PIK3CG: variants seen among roughly 807,000 people sequenced by gnomAD.
PIK3CG encodes phosphatidylinositol 4,5-bisphosphate 3-kinase catalytic subunit gamma isoform.
PIK3CG carries 55 observed loss-of-function variants against 102.3 expected under a neutral mutation model. The ratio of observed to expected loss-of-function variants is 0.54; its 90% CI spans 0.43 to 0.67. The LOEUF (loss-of-function observed/expected upper bound fraction) is 0.67, where lower values mean the gene tolerates loss of function less well. PIK3CG is among the 30% of genes least tolerant of loss of function. The pLI is 0.00. For missense variants in PIK3CG, 1,258 were observed against 1,391.8 expected (o/e 0.90, Z 1.53); for synonymous variants, 552 against 540.0 (o/e 1.02, Z -0.31).
chr7:106,873,999 A>G (rs532325247), intron 4 of PIK3CG, among the ~76,000 whole-genome samples: 66 of 152,282 alleles, frequency 4.3e-4, no homozygotes, highest in African/African-American at 1.6e-3. Context: ...ATGGCTCATT[A>G]CATAGACACT....
rs964930823 is a variant in PIK3CG, at chr7:106,908,344, C to T, written c.*2957C>T. On this transcript the variant is annotated 3_prime_UTR_variant, in exon 11 of 11. Coordinates refer to ENST00000496166, the MANE Select transcript of PIK3CG (RefSeq NM_001282426.2). The surrounding 1 kb of genome is among the most constrained non-coding windows in gnomAD (Gnocchi z 4.1). ...TCAGTTTAGCACACGCGGTCTACCA[C>T]GTCTGCATGAGTGGTAAATGTAGTG... is the stretch of plus-strand genomic sequence containing the variant. 3.3e-5 allele frequency among the ~76,000 whole-genome samples: 5 copies of T among 152,188 alleles called. No homozygotes were observed. The highest frequency in any genetic ancestry group is 1.2e-4 in the African/African-American group (5 of 41,428).
In PIK3CG at chr7:106,868,381, G is replaced by A. The variant is rs1462539802; in HGVS notation, c.820G>A (p.Val274Ile). The A allele has an allele frequency of 6.2e-7, 1 of 1,614,126 alleles. No homozygotes were observed. The highest frequency in any genetic ancestry group is 8.5e-7 in the Non-Finnish European group (1 of 1,180,054). The change falls in exon 2 of 11, where the codon GTC (valine) becomes ATC (isoleucine). Residue 274 changes from valine to isoleucine, a missense_variant. Val to Ile is a conservative substitution (Grantham distance 29). Around this residue, in one of 2 missense-constraint regions of PIK3CG, gnomAD observed 832 missense variants for 787.5 expected, o/e 1.06. Coordinates refer to ENST00000496166, the MANE Select transcript of PIK3CG (RefSeq NM_001282426.2). The surrounding 1 kb of genome is among the most constrained non-coding windows in gnomAD (Gnocchi z 6.2). The part of the protein sequence containing the change: ...SQSEQDFVLR[V>I]CGRDEYLVGE... ...AAGCGAACAGGATTTTGTGCTGCGCGTCTGTGGCCGGGATGAGTACCTGGT... is the reference window on the plus strand; with the variant it reads ...AAGCGAACAGGATTTTGTGCTGCGCATCTGTGGCCGGGATGAGTACCTGGT...
In PIK3CG at chr7:106,867,897, G is replaced by T. The variant is rs1562953435; in HGVS notation, c.336G>T (p.Lys112Asn). 1 of 1,613,262 alleles carries T rather than the reference G, an allele frequency of 6.2e-7. No homozygotes were observed. The highest frequency in any genetic ancestry group is 8.5e-7 in the Non-Finnish European group (1 of 1,179,996). ...GGCAGTGGTACGAGATCTACGACAAGTACCAGGTGGTGCAGACTCTGGACT... is the reference window on the plus strand; with the variant it reads ...GGCAGTGGTACGAGATCTACGACAATTACCAGGTGGTGCAGACTCTGGACT... ...KKGQWYEIYD[K>N]YQVVQTLDCL... Residue 112 changes from lysine to asparagine, a missense_variant, in exon 2 of 11, where the codon AAG becomes AAT. By Grantham distance (94) the Lys-to-Asn change is moderately conservative. Transcript: ENST00000496166. This position sits in a 1 kb window ranked among gnomAD's most constrained non-coding sequence, Gnocchi z 5.1.
Position 106,879,755 on chromosome 7 carries a change from C to G in PIK3CG, c.2538+90C>G, listed in dbSNP as rs41276172. On this transcript the variant is annotated intron_variant, in intron 6 of 10. Coordinates refer to ENST00000496166, the MANE Select transcript of PIK3CG (RefSeq NM_001282426.2). This position sits in a 1 kb window ranked among gnomAD's most constrained non-coding sequence, Gnocchi z 4.9. ...CTTTCTCCTACTGGCTCTATTCCCA[C>G]TCTCTTCTTTCAAGTGATGAATTGT... The G allele has an allele frequency of 0.031, 29,167 of 935,038 alleles. 639 individuals carry two copies. The highest frequency in any genetic ancestry group is 0.055 in the Middle Eastern group (239 of 4,356). The allele number at this position is 935,038 out of a possible 1,614,324, so 57.9% of individuals were successfully genotyped here.
intron 5 of PIK3CG, among the ~76,000 whole-genome samples, chr7:106,876,229 T>C (rs1200177240): frequency 6.6e-6 from 1 of 152,092 alleles, no homozygotes; most frequent in Non-Finnish European, 1.5e-5. Context: ...TCAGTCTTTT[T>C]AAACTTAGCC....
Position 106,890,296 on chromosome 7 carries a change from C to T in PIK3CG, c.3030+4004C>T, listed in dbSNP as rs2116579216. 6.6e-6 allele frequency among the ~76,000 whole-genome samples: 1 copy of T among 152,286 alleles called. No homozygotes were observed. The highest frequency in any genetic ancestry group is 2.1e-4 in the South Asian group (1 of 4,820). ...TCCTGGGTTCACACCACTCTCCTGC[C>T]TCAGCCTTCCAAGTAGCTGGGACTA... is the stretch of plus-strand genomic sequence containing the variant. On this transcript the variant is annotated intron_variant, in intron 10 of 10. Coordinates refer to ENST00000496166, the MANE Select transcript of PIK3CG (RefSeq NM_001282426.2). This position sits in a 1 kb window ranked among gnomAD's most constrained non-coding sequence, Gnocchi z 4.2.
chr7:106,884,465 C>CT lies in PIK3CG; in HGVS notation c.2872+200dup, dbSNP rs1791027648. ...GCTGAAACTCTGTACCCATTAAACA[C>CT]TAACTCCCCATGCCTCCCTCCTTTC... On this transcript the variant is annotated intron_variant, in intron 9 of 10. Coordinates refer to ENST00000496166, the MANE Select transcript of PIK3CG (RefSeq NM_001282426.2). The surrounding 1 kb of genome is among the most constrained non-coding windows in gnomAD (Gnocchi z 4.2). 6.6e-6 allele frequency among the ~76,000 whole-genome samples: 1 copy of CT among 152,190 alleles called. No individual in the cohort carries two copies. Among genetic ancestry groups the CT allele is most frequent in the Non-Finnish European group, 1.5e-5 (1 of 68,040 alleles).
At position 106,868,160 on chromosome 7, in the gene PIK3CG, C is replaced by G. The variant is rs2116432321; in HGVS notation, c.599C>G (p.Pro200Arg). 1 of 1,612,992 alleles carries G rather than the reference C, an allele frequency of 6.2e-7. No homozygotes were observed. Among genetic ancestry groups the G allele is most frequent in the Non-Finnish European group, 8.5e-7 (1 of 1,180,010 alleles). The change falls in exon 2 of 11, where the codon CCG (proline) becomes CGG (arginine). Residue 200 changes from proline (P) to arginine (R), a missense_variant. Physicochemically the swap from Pro to Arg is moderately radical, Grantham distance 103. Transcript: ENST00000496166. This position sits in a 1 kb window ranked among gnomAD's most constrained non-coding sequence, Gnocchi z 6.2. ...GACCCCAAGCTCTACGCCATGCACCCGTGGGTGACGTCCAAGCCCCTCCCG... is the reference window on the plus strand; with the variant it reads ...GACCCCAAGCTCTACGCCATGCACCGGTGGGTGACGTCCAAGCCCCTCCCG... Reference protein sequence around the residue: ...SRDPKLYAMHPWVTSKPLPEY... With the variant: ...SRDPKLYAMHRWVTSKPLPEY...
At position 106,908,332 on chromosome 7, in the gene PIK3CG, C is replaced by T. The variant is rs924491058; in HGVS notation, c.*2945C>T. 2.0e-5 allele frequency among the ~76,000 whole-genome samples: 3 copies of T among 152,184 alleles called. No individual in the cohort carries two copies. Among genetic ancestry groups the T allele is most frequent in the Admixed American group, 6.5e-5 (1 of 15,276 alleles). On this transcript the variant is annotated 3_prime_UTR_variant, in exon 11 of 11. Coordinates refer to ENST00000496166, the MANE Select transcript of PIK3CG (RefSeq NM_001282426.2). This position sits in a 1 kb window ranked among gnomAD's most constrained non-coding sequence, Gnocchi z 4.1. The stretch of plus-strand genomic sequence containing the variant: ...TGGCTTTGGTGTTCAGTTTAGCACA[C>T]GCGGTCTACCACGTCTGCATGAGTG...
In PIK3CG at chr7:106,905,225, A is replaced by G. The variant is rs151166020; in HGVS notation, c.3147A>G (p.Glu1049=). Residue 1049 remains glutamate (E), a synonymous_variant, in exon 11 of 11, where the codon GAA becomes GAG. Transcript: ENST00000496166. The surrounding 1 kb of genome is among the most constrained non-coding windows in gnomAD (Gnocchi z 5.6). ...AGTTAACAAGCAAAGAAGACATTGA[A>G]TATATCCGGGATGCCCTCACAGTGG... ...MPQLTSKEDI[E]YIRDALTVGK... is the part of the protein sequence containing the mutation. The G allele has an allele frequency of 6.2e-7, 1 of 1,614,160 alleles. No individual in the cohort carries two copies. Among genetic ancestry groups the G allele is most frequent in the Non-Finnish European group, 8.5e-7 (1 of 1,180,008 alleles).
intron 10 of PIK3CG, among the ~76,000 whole-genome samples, chr7:106,888,625 C>T (rs1456815419): frequency 6.6e-6 from 1 of 152,210 alleles, no homozygotes; most frequent in Non-Finnish European, 1.5e-5. Context: ...AACGTTTAGG[C>T]AGTGTGCTCC....
Position 106,867,930 on chromosome 7 carries a change from C to A in PIK3CG, c.369C>A (p.Arg123=), listed in dbSNP as rs898922713. The part of the protein sequence containing the change: ...YQVVQTLDCL[R]YWKATHRSPG... Reference sequence around the variant, plus strand: ...TGGTGCAGACTCTGGACTGCCTGCGCTACTGGAAGGCCACGCACCGGAGCC... The same window carrying A: ...TGGTGCAGACTCTGGACTGCCTGCGATACTGGAAGGCCACGCACCGGAGCC... Residue 123 remains arginine, a synonymous_variant, in exon 2 of 11, where the codon CGC becomes CGA. Transcript: ENST00000496166. The surrounding 1 kb of genome is among the most constrained non-coding windows in gnomAD (Gnocchi z 5.1). 1.2e-6 allele frequency: 2 copies of A among 1,613,308 alleles called. No individual in the cohort carries two copies. The highest frequency in any genetic ancestry group is 2.7e-5 in the African/African-American group (2 of 75,066).
intron 5 of PIK3CG, among the ~76,000 whole-genome samples, chr7:106,878,672 T>C (rs954387741): frequency 1.3e-5 from 2 of 152,170 alleles, no homozygotes; most frequent in Non-Finnish European, 2.9e-5. Context: ...TTTCTAGTTG[T>C]TTATGGCAGG....
chr7:106,885,079 C>A (rs1009255506), intron 9 of PIK3CG, among the ~76,000 whole-genome samples: 3 of 152,168 alleles, frequency 2.0e-5, no homozygotes, highest in African/African-American at 7.2e-5. Flanking sequence ...TGAAGTTGCT[C>A]ACTTGCCCAT....
Position 106,884,259 on chromosome 7 carries a change from C to T in PIK3CG, c.2865C>T (p.Thr955=), listed in dbSNP as rs146043170. Residue 955 remains threonine (T), a synonymous_variant, in exon 9 of 11, where the codon ACC becomes ACT. Coordinates refer to ENST00000496166, the MANE Select transcript of PIK3CG (RefSeq NM_001282426.2). This position sits in a 1 kb window ranked among gnomAD's most constrained non-coding sequence, Gnocchi z 4.2. The part of the protein sequence containing the change: ...GDRHNDNIMI[T]ETGNLFHIDF... The stretch of plus-strand genomic sequence containing the variant: ...GACACAATGACAATATTATGATCAC[C>T]GAGACAGGTGAGTTTATTTAGTGCA... The T allele has an allele frequency of 5.6e-5, 90 of 1,604,520 alleles. No individual in the cohort carries two copies. Among genetic ancestry groups the T allele is most frequent in the African/African-American group, 2.3e-4 (17 of 74,778 alleles).
At chr7:106,873,952 ATC>A (rs2116494843) in intron 4 of PIK3CG, among the ~76,000 whole-genome samples, 1 of 152,234 alleles carries the variant, frequency 6.6e-6, no homozygotes, top group African/African-American at 2.4e-5. Context: ...TCTAGAGAAT[ATC>A]TCTTTTTCAT....
Position 106,874,293 on chromosome 7 carries a change from A to G in PIK3CG, c.2288-407A>G, listed in dbSNP as rs1390643595. On this transcript the variant is annotated intron_variant, in intron 4 of 10. Transcript: ENST00000496166. The surrounding 1 kb of genome is among the most constrained non-coding windows in gnomAD (Gnocchi z 4.3). ...AAAGAAATTACAGAACCCTAACCAA[A>G]TTCCATGTATTATTTTCTTAAAATG... 6.6e-6 allele frequency among the ~76,000 whole-genome samples: 1 copy of G among 152,174 alleles called. No homozygotes were observed. The highest frequency in any genetic ancestry group is 1.5e-5 in the Non-Finnish European group (1 of 68,036).
Position 106,869,655 on chromosome 7 carries a change from C to T in PIK3CG, c.1995+99C>T. 1.0e-6 allele frequency: 1 copy of T among 994,554 alleles called. No homozygotes were observed. Among genetic ancestry groups the T allele is most frequent in the South Asian group, 1.7e-5 (1 of 57,502 alleles). The allele number at this position is 994,554 out of a possible 1,614,324, so 61.6% of individuals were successfully genotyped here. A position where few individuals can be genotyped will look rare whatever the true frequency, so the allele number is the denominator to read the frequency against. ...CAGTTGTCATCAAATGCCCTTTGTT[C>T]AGAGCTTCATCATCGGCAAAAGTAG... On this transcript the variant is annotated intron_variant, in intron 2 of 10. Coordinates refer to ENST00000496166, the MANE Select transcript of PIK3CG (RefSeq NM_001282426.2). This position sits in a 1 kb window ranked among gnomAD's most constrained non-coding sequence, Gnocchi z 5.3.
rs144753907 is a variant in PIK3CG, at chr7:106,869,136, C to G, written c.1575C>G (p.His525Gln). 1 of 1,614,186 alleles carries G rather than the reference C, an allele frequency of 6.2e-7. No individual in the cohort carries two copies. Among genetic ancestry groups the G allele is most frequent in the African/African-American group, 1.3e-5 (1 of 75,048 alleles). The part of the protein sequence containing the change: ...SISILLDNYC[H>Q]PIALPKHQPT... ...CCATTCTTCTGGACAATTACTGCCACCCGATAGCCCTGCCTAAGCATCAGC... is the reference window on the plus strand; with the variant it reads ...CCATTCTTCTGGACAATTACTGCCAGCCGATAGCCCTGCCTAAGCATCAGC... The change falls in exon 2 of 11, where the codon CAC becomes CAG. Residue 525 changes from histidine to glutamine, a missense_variant. By Grantham distance (24) the His-to-Gln change is conservative. Around this residue, in one of 2 missense-constraint regions of PIK3CG, gnomAD observed 832 missense variants for 787.5 expected, o/e 1.06. Transcript: ENST00000496166. The surrounding 1 kb of genome is among the most constrained non-coding windows in gnomAD (Gnocchi z 5.3).
Sources: gnomAD v4.1 joint callset for allele counts (sites outside exome capture counted in the v4.1 genomes callset) on GRCh38, gnomAD v4.1.1 for gene constraint, gnomAD v4.1.1 regional missense constraint, Gnocchi (gnomAD v3.1) non-coding constraint, MANE v1.5 for transcripts, NCBI Gene and HGNC (gene_info 2026-07-23, HGNC 2026-07-21) for gene names.